ALMS1: variants seen among roughly 807,000 people sequenced by gnomAD.
ALMS1 encodes ALMS1 centrosome and basal body associated protein.
In ALMS1, 271 loss-of-function variants were observed where a neutral mutation model predicts 352.2. The observed-to-expected ratio is 0.77, with a 90% confidence interval of 0.70 to 0.85. The LOEUF (loss-of-function observed/expected upper bound fraction) is 0.85, where lower values mean the gene tolerates loss of function less well. ALMS1 is among the 40% of genes least tolerant of loss of function. The probability of loss-of-function intolerance (pLI) is 0.00; values close to 1 mark genes in which losing one functional copy is unlikely to be tolerated. For synonymous variants in ALMS1, 1,865 were observed against 1,761.2 expected, an observed-to-expected ratio of 1.06 and a Z score of -1.48; for missense variants, 5,445 against 4,870.7, an observed-to-expected ratio of 1.12 and a Z score of -3.51.
rs1340277733 is a variant in ALMS1, at chr2:73,451,511, TCTA to T, written c.4988_4990del (p.Thr1663del). On this transcript the variant is annotated inframe_deletion, in exon 8 of 23. Transcript: ENST00000613296. Reference sequence around the variant, plus strand: ...GAAGACTGAGACATTACCAGTACATTCTACTAGCTACTCAAATAGGGGGAAGCC... The same window carrying T: ...GAAGACTGAGACATTACCAGTACATTCTAGCTACTCAAATAGGGGGAAGCC... 6.2e-7 allele frequency: 1 copy of T among 1,613,816 alleles called. No individual in the cohort carries two copies. The highest frequency in any genetic ancestry group is 1.3e-5 in the African/African-American group (1 of 74,836).
intron 6 of ALMS1, among the ~76,000 whole-genome samples, chr2:73,431,909 C>T (rs1336441026): frequency 1.3e-5 from 2 of 152,138 alleles, no homozygotes; most frequent in Non-Finnish European, 1.5e-5. Context: ...AGCATACTAT[C>T]TATAATATTT....
Position 73,419,119 on chromosome 2 carries a change from C to T in ALMS1, c.451-4C>T. ...TAGCATGTTTTCCTTTAACATTTTT[C>T]TAGAAAACAGAATCTTGGCATTGTC... On this transcript the variant is annotated splice_region_variant and splice_polypyrimidine_tract_variant and intron_variant, in intron 2 of 22. Coordinates refer to ENST00000613296, the MANE Select transcript of ALMS1 (RefSeq NM_001378454.1). 1 of 1,612,050 alleles carries T rather than the reference C, an allele frequency of 6.2e-7. No homozygotes were observed. Among genetic ancestry groups the T allele is most frequent in the Non-Finnish European group, 8.5e-7 (1 of 1,178,358 alleles).
At position 73,572,344 on chromosome 2, in the gene ALMS1, C is replaced by T. The variant is rs371631738; in HGVS notation, c.10467C>T (p.His3489=). The part of the protein sequence containing the change: ...SAKFYIHHPV[H]LPSDQDICHE... ...AGTTTTACATTCATCATCCCGTACA[C>T]CTACCAAGTGATCAAGATATTTGCC... The change falls in exon 16 of 23, where the codon CAC becomes CAT. Residue 3489 remains histidine (H), a synonymous_variant. Transcript: ENST00000613296. 3 of 1,608,076 alleles carry T rather than the reference C, an allele frequency of 1.9e-6. No individual in the cohort carries two copies. The highest frequency in any genetic ancestry group is 2.7e-5 in the African/African-American group (2 of 74,600).
Position 73,491,088 on chromosome 2 carries a change from A to G in ALMS1, c.9129A>G (p.Ala3043=). 1.2e-6 allele frequency: 2 copies of G among 1,614,170 alleles called. No individual in the cohort carries two copies. Among genetic ancestry groups the G allele is most frequent in the Non-Finnish European group, 8.5e-7 (1 of 1,180,012 alleles). ...SASTPPSNRK[A]LSCVHITLCP... ...CTACTCCTCCTTCAAATAGAAAAGC[A>G]CTTTCTTGTGTTCATATAACTCTTT... Residue 3043 remains alanine, a synonymous_variant, in exon 10 of 23, where the codon GCA becomes GCG. Transcript: ENST00000613296.
At chr2:73,520,595 T>C (rs982288076) in intron 11 of ALMS1, among the ~76,000 whole-genome samples, 4 of 152,180 alleles carry the variant, frequency 2.6e-5, no homozygotes, top group South Asian at 4.1e-4. Flanking sequence ...ACAAAAAGCA[T>C]TGAGGAGCAC....
rs377033567 is a variant in ALMS1, at chr2:73,430,946, G to A, written c.1339-1252G>A. 2.0e-4 allele frequency among the ~76,000 whole-genome samples: 30 copies of A among 152,140 alleles called. No homozygotes were observed. The East Asian group carries it at 3.9e-3, about 20-fold the overall frequency. On this transcript the variant is annotated intron_variant, in intron 6 of 22. Transcript: ENST00000613296. Reference sequence around the variant, plus strand: ...GTATATATGTGTATATATATAGCCTGTACTTCAGAGAAGTTTCCTGTAGGA... The same window carrying A: ...GTATATATGTGTATATATATAGCCTATACTTCAGAGAAGTTTCCTGTAGGA...
chr2:73,484,908 C>T (rs868772561), intron 9 of ALMS1, among the ~76,000 whole-genome samples: 1 of 152,300 alleles, frequency 6.6e-6, no homozygotes, highest in South Asian at 2.1e-4. Context: ...GTTCTCGAGC[C>T]TTGTTTTTCA....
At chr2:73,581,036 A>G (rs988172831) in intron 16 of ALMS1, among the ~76,000 whole-genome samples, 1 of 152,188 alleles carries the variant, frequency 6.6e-6, no homozygotes, top group Admixed American at 6.5e-5. Flanking sequence ...CAGTGGTGAA[A>G]GTGTCTGGTC....
chr2:73,410,925 G>T lies in ALMS1; in HGVS notation c.450+2178G>T, dbSNP rs186957900. On this transcript the variant is annotated intron_variant, in intron 2 of 22. Coordinates refer to ENST00000613296, the MANE Select transcript of ALMS1 (RefSeq NM_001378454.1). ...TGATTACCTGTTAGATGCAAGATAT[G>T]GAGGAAGGGAGATACACTATCACTG... 2.0e-5 allele frequency among the ~76,000 whole-genome samples: 3 copies of T among 152,134 alleles called. No individual in the cohort carries two copies. The East Asian group carries it at 5.8e-4, about 29-fold the overall frequency.
intron 9 of ALMS1, among the ~76,000 whole-genome samples, chr2:73,485,775 G>T (rs533117987): frequency 6.6e-6 from 1 of 152,176 alleles, no homozygotes; most frequent in East Asian, 1.9e-4. Flanking sequence ...ATAATCTCGT[G>T]GTGCGCCGTT....
At chr2:73,402,013 G>T (rs530472426) in intron 1 of ALMS1, among the ~76,000 whole-genome samples, 1 of 147,684 alleles carries the variant, frequency 6.8e-6, no homozygotes, top group Non-Finnish European at 1.5e-5. Flanking sequence ...TCCCCTCCTC[G>T]TGTGTATGTG....
chr2:73,408,739 G>A lies in ALMS1; in HGVS notation c.442G>A (p.Asp148Asn), dbSNP rs757606922. Residue 148 changes from aspartate to asparagine, a missense_variant, in exon 2 of 23, where the codon GAT (aspartate) becomes AAT (asparagine). Asp to Asn is a conservative substitution (Grantham distance 23, BLOSUM62 1). Coordinates refer to ENST00000613296, the MANE Select transcript of ALMS1 (RefSeq NM_001378454.1). Reference sequence around the variant, plus strand: ...AACAACAGCTCAGCGGGGTTCTGGGGATGATCAGGTATGTCTTCTGTAACT... The same window carrying A: ...AACAACAGCTCAGCGGGGTTCTGGGAATGATCAGGTATGTCTTCTGTAACT... ...LETTAQRGSG[D>N]DQKTESWHCL... is the part of the protein sequence containing the mutation. 89 of 1,612,686 alleles carry A rather than the reference G, an allele frequency of 5.5e-5. 1 individual carries two copies. Among genetic ancestry groups the A allele is most frequent in the Middle Eastern group, 1.6e-4 (1 of 6,080 alleles).
In ALMS1 at chr2:73,487,992, G is replaced by A. The variant is rs111855412; in HGVS notation, c.7675-1642G>A. Among the ~76,000 whole-genome samples the A allele has an allele frequency of 4.1e-3, 618 of 152,312 alleles. 6 individuals carry two copies. The highest frequency in any genetic ancestry group is 0.012 in the African/African-American group (515 of 41,566). On this transcript the variant is annotated intron_variant, in intron 9 of 22. Transcript: ENST00000613296. ...TCCAGGGTTTTTATGGGCTTCAAAG[G>A]GGAGGAGATGCATGCCAATTGGTCC...
chr2:73,423,687 C>T (rs1214480166), intron 4 of ALMS1, among the ~76,000 whole-genome samples: 1 of 152,078 alleles, frequency 6.6e-6, no homozygotes, highest in Non-Finnish European at 1.5e-5. Context: ...GATCTATACA[C>T]ATTAGATCAT....
At chr2:73,569,746 A>G (rs1382556478) in intron 15 of ALMS1, among the ~76,000 whole-genome samples, 2 of 152,170 alleles carry the variant, frequency 1.3e-5, no homozygotes, top group Non-Finnish European at 2.9e-5. Flanking sequence ...TCCTACTTTT[A>G]TGCTTTTGCT....
rs1278767292 is a variant in ALMS1, at chr2:73,490,439, G to T, written c.8480G>T (p.Arg2827Met). The T allele has an allele frequency of 6.2e-7, 1 of 1,614,128 alleles. No homozygotes were observed. Among genetic ancestry groups the T allele is most frequent in the Admixed American group, 1.7e-5 (1 of 60,016 alleles). ...FTGSHSEPST[R>M]ANCSNFKEIQ... The stretch of plus-strand genomic sequence containing the variant: ...GGCAGTCATTCTGAGCCCAGTACCA[G>T]GGCAAATTGTAGCAATTTCAAGGAA... Residue 2827 changes from arginine (R) to methionine (M), a missense_variant, in exon 10 of 23, where the codon AGG becomes ATG. Arg to Met is a moderately conservative substitution (Grantham distance 91). Coordinates refer to ENST00000613296, the MANE Select transcript of ALMS1 (RefSeq NM_001378454.1).
In ALMS1 at chr2:73,451,726, A is replaced by G. The variant is rs374143515; in HGVS notation, c.5199A>G (p.Gln1733=). ...CCCTGCCAGACAGTGAGCTAACTCAAGAAGCTCTGAAAGTTTCAGCTGTTC... is the reference window on the plus strand; with the variant it reads ...CCCTGCCAGACAGTGAGCTAACTCAGGAAGCTCTGAAAGTTTCAGCTGTTC... ...QQALPDSELT[Q]EALKVSAVPQ... Residue 1733 remains glutamine, a synonymous_variant, in exon 8 of 23, where the codon CAA becomes CAG. Coordinates refer to ENST00000613296, the MANE Select transcript of ALMS1 (RefSeq NM_001378454.1). 2.5e-5 allele frequency: 40 copies of G among 1,614,052 alleles called. No homozygotes were observed. The highest frequency in any genetic ancestry group is 4.0e-5 in the African/African-American group (3 of 75,012).
intron 9 of ALMS1, among the ~76,000 whole-genome samples, chr2:73,476,499 G>A (rs1385978199): frequency 5.3e-5 from 8 of 151,788 alleles, no homozygotes; most frequent in Admixed American, 2.0e-4. Context: ...GGGCTACACT[G>A]TTTACATTCC....
At chr2:73,593,090 C>T (rs1347125684) in intron 16 of ALMS1, among the ~76,000 whole-genome samples, 1 of 91,560 alleles carries the variant, frequency 1.1e-5, no homozygotes, top group Non-Finnish European at 2.2e-5. Flanking sequence ...CACACCCAAG[C>T]CTGAGGGATG....
Sources: gnomAD v4.1 joint callset for allele counts (sites outside exome capture counted in the v4.1 genomes callset) on GRCh38, gnomAD v4.1.1 for gene constraint, MANE v1.5 for transcripts, NCBI Gene and HGNC (gene_info 2026-07-23, HGNC 2026-07-21) for gene names.